The following RHBDF1 variants were observed in gnomAD, a reference collection of about 807,000 sequenced individuals.
RHBDF1 encodes rhomboid 5 homolog 1, also known as inactive rhomboid protein 1.
RHBDF1 carries 80 observed loss-of-function variants against 98.6 expected under a neutral mutation model. That is an observed-to-expected ratio of 0.81 (90% CI 0.68 to 0.98). RHBDF1 has a LOEUF of 0.98. Ranked by LOEUF, RHBDF1 falls within the 50% of genes least tolerant of loss-of-function variation. The pLI is 0.00. For missense variants in RHBDF1, 1,116 were observed against 1,198.3 expected, an observed-to-expected ratio of 0.93 and a Z score of 1.01; for synonymous variants, 512 against 486.8, an observed-to-expected ratio of 1.05 and a Z score of -0.68.
chr16:61,955 G>A lies in RHBDF1; in HGVS notation c.1051C>T (p.Arg351Ter). ...GGCACCGCGATACGCTGGCCCCGTC[G>A]CGGCCCCGCGGTGCTCACCACCTCC... ...RQEVVSTAGP[R>*]RGQRIAVPVR... Residue 351 changes from arginine (R) to a stop codon, truncating the protein, a stop_gained, in exon 8 of 18, where the codon CGA becomes TGA. Transcript: ENST00000262316. LOFTEE classifies it high-confidence loss of function. 6.3e-7 allele frequency: 1 copy of A among 1,594,012 alleles called. No homozygotes were observed. Among genetic ancestry groups the A allele is most frequent in the Non-Finnish European group, 8.5e-7 (1 of 1,177,696 alleles).
chr16:64,757 G>A lies in RHBDF1; in HGVS notation c.190C>T (p.His64Tyr), dbSNP rs1460554151. 6.2e-7 allele frequency: 1 copy of A among 1,614,090 alleles called. No homozygotes were observed. The highest frequency in any genetic ancestry group is 8.5e-7 in the Non-Finnish European group (1 of 1,179,988). The change falls in exon 3 of 18, where the codon CAT (histidine) becomes TAT (tyrosine). Residue 64 changes from histidine (H) to tyrosine (Y), a missense_variant. His to Tyr is a moderately conservative substitution (Grantham distance 83). Coordinates refer to ENST00000262316, the MANE Select transcript of RHBDF1 (RefSeq NM_022450.5). The part of the protein sequence containing the change: ...AETAHISSPH[H>Y]ELRRPVLQRQ... Reference sequence around the variant, plus strand: ...TGCAGCACCGGCCGCCGGAGCTCATGGTGGGGTGAAGAGATGTGGGCTGTC... The same window carrying A: ...TGCAGCACCGGCCGCCGGAGCTCATAGTGGGGTGAAGAGATGTGGGCTGTC...
intron 3 of RHBDF1, chr16:64,077 G>A: frequency 1.6e-6 from 1 of 636,610 alleles, no homozygotes; most frequent in Non-Finnish European, 2.8e-6. Context: ...GCAGTTGAGG[G>A]GAGGCACTGA....
chr16:64,018 T>G (rs1897749774), intron 3 of RHBDF1: 2 of 709,734 alleles, frequency 2.8e-6, no homozygotes, highest in South Asian at 1.6e-5. Flanking sequence ...CAGCTGGCCT[T>G]GCCCGGTTGA....
intron 9 of RHBDF1, 52 bp downstream of exon 9, chr16:61,533 T>C: frequency 6.2e-7 from 1 of 1,609,866 alleles, no homozygotes; most frequent in Non-Finnish European, 8.5e-7. Context: ...CGGGAGGGGG[T>C]CCAGTGCCCG....
intron 3 of RHBDF1, 119 bp downstream of exon 3, chr16:64,580 G>A: frequency 1.3e-6 from 2 of 1,540,602 alleles, no homozygotes; most frequent in Non-Finnish European, 1.7e-6. Flanking sequence ...TGGGGACCGA[G>A]ATGGAGGAGG....
intron 1 of RHBDF1, among the ~76,000 whole-genome samples, chr16:67,936 C>T (rs932359088): frequency 1.3e-5 from 2 of 152,060 alleles, no homozygotes; most frequent in African/African-American, 4.8e-5. Context: ...GAGCTGTGAG[C>T]GTGTACGGGG....
intron 3 of RHBDF1, 167 bp from the exon 4 acceptor site, chr16:63,967 C>G: frequency 1.3e-6 from 1 of 761,472 alleles, no homozygotes; most frequent in Non-Finnish European, 2.3e-6. Flanking sequence ...GTTCCAGCCA[C>G]CCCCTGAACT....
At chr16:67,592 C>T (rs1045247280) in intron 1 of RHBDF1, among the ~76,000 whole-genome samples, 1 of 152,254 alleles carries the variant, frequency 6.6e-6, no homozygotes, top group African/African-American at 2.4e-5. Context: ...GCTCTGCCCA[C>T]CCTCCCCTGT....
At chr16:58,803 G>A (rs1567111422) in intron 17 of RHBDF1, 44 bp from the exon 18 acceptor site, 2 of 1,591,466 alleles carry the variant, frequency 1.3e-6, no homozygotes, top group Non-Finnish European at 8.6e-7. Flanking sequence ...GGGCTGGGCA[G>A]GCCCCCTGGA....
chr16:63,531 C>T, intron 4 of RHBDF1, 56 bp downstream of exon 4: 2 of 1,418,798 alleles, frequency 1.4e-6, no homozygotes, highest in Non-Finnish European at 9.5e-7. Context: ...GTCCGCAGCC[C>T]CAGCCCCTGA....
upstream of RHBDF1, chr16:73,787 CTCTGGG>C (rs1375447620): frequency 1.5e-5 from 3 of 198,368 alleles, no homozygotes; most frequent in Non-Finnish European, 2.7e-5. Flanking sequence ...CAGTGCCATC[CTCTGGG>C]TCTGGGTGGC....
At position 64,797 on chromosome 16, in the gene RHBDF1, C is replaced by G; in HGVS notation, c.150G>C (p.Val50=). The stretch of plus-strand genomic sequence containing the variant: ...TGTGGGCTGTCTCGGCTGGCATACT[C>G]ACACTCCTCAGGAAAGCCTGTCGCC... ...PLRRQAFLRS[V]SMPAETAHIS... is the part of the protein sequence containing the mutation. The change falls in exon 3 of 18, where the codon GTG becomes GTC. Residue 50 remains valine, a synonymous_variant. Transcript: ENST00000262316. The G allele has an allele frequency of 6.2e-7, 1 of 1,614,066 alleles. No individual in the cohort carries two copies. The highest frequency in any genetic ancestry group is 1.7e-5 in the Admixed American group (1 of 60,010).
At chr16:65,459 G>C (rs1897804426) in intron 1 of RHBDF1, among the ~76,000 whole-genome samples, 1 of 152,238 alleles carries the variant, frequency 6.6e-6, no homozygotes, top group African/African-American at 2.4e-5. Flanking sequence ...AGGGTTGCTT[G>C]ACAGGAGGCA....
At chr16:70,273 T>C (rs765366241) in intron 1 of RHBDF1, among the ~76,000 whole-genome samples, 1 of 152,156 alleles carries the variant, frequency 6.6e-6, no homozygotes, top group Non-Finnish European at 1.5e-5. Context: ...GGAGTCTAGC[T>C]GGGTCTCAGG....
rs1897631158 is a variant in RHBDF1 at position 61,689 on chromosome 16, A to G, written c.1216T>C (p.Phe406Leu). The G allele has an allele frequency of 6.2e-7, 1 of 1,613,368 alleles. No homozygotes were observed. The highest frequency in any genetic ancestry group is 8.5e-7 in the Non-Finnish European group (1 of 1,179,896). Residue 406 changes from phenylalanine to leucine, a missense_variant, in exon 9 of 18, where the codon TTC becomes CTC. Transcript: ENST00000262316. ...IEDMDDHRPF[F>L]TYWLTFVHSL... is the part of the protein sequence containing the mutation. ...TGCACGAAGGTAAGCCAGTAGGTGAAGAAGGGCCTGCGGGGTGGAGCGTCA... is the reference window on the plus strand; with the variant it reads ...TGCACGAAGGTAAGCCAGTAGGTGAGGAAGGGCCTGCGGGGTGGAGCGTCA...
chr16:63,433 C>G (rs1281664377), intron 4 of RHBDF1, among the ~76,000 whole-genome samples, 154 bp downstream of exon 4: 1 of 152,242 alleles, frequency 6.6e-6, no homozygotes, highest in Non-Finnish European at 1.5e-5. Flanking sequence ...TTCCCAGAGA[C>G]TGTTTCAGGT....
intron 12 of RHBDF1, 26 bp downstream of exon 12, chr16:60,413 G>A: frequency 6.9e-6 from 11 of 1,605,580 alleles, no homozygotes; most frequent in Non-Finnish European, 9.4e-6. Context: ...ACAAAGGCAG[G>A]TGAGAGAGCT....
Position 58,384 on chromosome 16 carries a change from C to A in RHBDF1, c.2524G>T (p.Asp842Tyr). ...CEFLTCIPFT[D>Y]KFCEKYELDA... The stretch of plus-strand genomic sequence containing the variant: ...AGTTCGTACTTCTCACAGAACTTGT[C>A]AGTGAAGGGGATGCAGGTGAGGAAC... Residue 842 changes from aspartate (D) to tyrosine (Y), a missense_variant, in exon 18 of 18, where the codon GAC becomes TAC. Coordinates refer to ENST00000262316, the MANE Select transcript of RHBDF1 (RefSeq NM_022450.5). The A allele has an allele frequency of 6.2e-7, 1 of 1,613,784 alleles. No homozygotes were observed. The highest frequency in any genetic ancestry group is 8.5e-7 in the Non-Finnish European group (1 of 1,180,012).
upstream of RHBDF1, among the ~76,000 whole-genome samples, chr16:75,428 T>C (rs997996865): frequency 6.6e-6 from 1 of 152,172 alleles, no homozygotes; most frequent in African/African-American, 2.4e-5. Context: ...ACCCTGGGCT[T>C]TGGGGAGTCC....
Sources: gnomAD v4.1 joint callset for allele counts (sites outside exome capture counted in the v4.1 genomes callset) on GRCh38, gnomAD v4.1.1 for gene constraint, MANE v1.5 for transcripts, NCBI Gene and HGNC (gene_info 2026-07-23, HGNC 2026-07-21) for gene names.